ADCY4: variants seen among roughly 807,000 people sequenced by gnomAD.
ADCY4 encodes adenylate cyclase 4.
In ADCY4, 111 loss-of-function variants were observed where a neutral mutation model predicts 125.5. The observed-to-expected ratio is 0.88, with a 90% CI of 0.76 to 1.04. The LOEUF is 1.04. Ranked by LOEUF, ADCY4 falls within the 50% of genes least tolerant of loss-of-function variation. The probability of loss-of-function intolerance (pLI) is 0.00; values close to 1 mark genes in which losing one functional copy is unlikely to be tolerated. For missense variants in ADCY4, 1,256 were observed against 1,382.9 expected (o/e 0.91, Z 1.46); for synonymous variants, 576 against 586.9 (o/e 0.98, Z 0.27).
rs1566430507 is a variant in ADCY4, at chr14:24,319,836, G to A, written c.2639C>T (p.Pro880Leu). Reference protein sequence around the residue: ...ECVCVLFASVPDFKEFYSESN... With the variant: ...ECVCVLFASVLDFKEFYSESN... ...TTCAGAGTAGAACTCCTTGAAGTCT[G>A]GGACTGAGGCGAAGAGGACACAAAC... The change falls in exon 21 of 25, where the codon CCA (proline) becomes CTA (leucine). Residue 880 changes from proline (P) to leucine (L), a missense_variant. Coordinates refer to ENST00000418030, the MANE Select transcript of ADCY4 (RefSeq NM_001198568.2). The surrounding 1 kb of genome is among the most constrained non-coding windows in gnomAD (Gnocchi z 4.5). 1 of 1,614,116 alleles carries A rather than the reference G, an allele frequency of 6.2e-7. No individual in the cohort carries two copies. The highest frequency in any genetic ancestry group is 1.3e-5 in the African/African-American group (1 of 75,040).
At position 24,318,653 on chromosome 14, in the gene ADCY4, C is replaced by T. The variant is rs1746986280; in HGVS notation, c.3081+1G>A. 6.2e-7 allele frequency: 1 copy of T among 1,614,050 alleles called. No individual in the cohort carries two copies. Among genetic ancestry groups the T allele is most frequent in the Non-Finnish European group, 8.5e-7 (1 of 1,180,016 alleles). The stretch of plus-strand genomic sequence containing the variant: ...CTATGCCTCCAATGTGGTTCCCTCA[C>T]TTGGATTTTGCCAAGGACTCCTGTA... On this transcript the variant is annotated splice_donor_variant, in intron 24 of 24. Transcript: ENST00000418030. LOFTEE classifies it high-confidence loss of function.
intron 3 of ADCY4, 120 bp downstream of exon 3, chr14:24,332,402 G>T: frequency 8.4e-7 from 1 of 1,189,702 alleles, no homozygotes; most frequent in Non-Finnish European, 1.2e-6. Flanking sequence ...GCACGGTTGG[G>T]TATCCTGCGC....
intron 10 of ADCY4, among the ~76,000 whole-genome samples, chr14:24,327,662 A>C (rs930501826): frequency 1.3e-5 from 2 of 152,202 alleles, no homozygotes; most frequent in African/African-American, 4.8e-5. Flanking sequence ...GAATTGAGTT[A>C]AACAGAGACA....
Position 24,319,221 on chromosome 14 carries a change from G to A in ADCY4, c.2842-9C>T, listed in dbSNP as rs947472035. On this transcript the variant is annotated splice_polypyrimidine_tract_variant and intron_variant, in intron 22 of 24. Coordinates refer to ENST00000418030, the MANE Select transcript of ADCY4 (RefSeq NM_001198568.2). This position sits in a 1 kb window ranked among gnomAD's most constrained non-coding sequence, Gnocchi z 4.5. Reference sequence around the variant, plus strand: ...CAGCTCCGTTCAGCATCCTGGCAATGGGCCCGCCCACCAGGGTGGGCCAGT... The same window carrying A: ...CAGCTCCGTTCAGCATCCTGGCAATAGGCCCGCCCACCAGGGTGGGCCAGT... 6.2e-7 allele frequency: 1 copy of A among 1,614,092 alleles called. No homozygotes were observed. Among genetic ancestry groups the A allele is most frequent in the African/African-American group, 1.3e-5 (1 of 75,038 alleles).
At position 24,324,197 on chromosome 14, in the gene ADCY4, C is replaced by G; in HGVS notation, c.1911G>C (p.Arg637Ser). Residue 637 changes from arginine to serine, a missense_variant and splice_region_variant, in exon 16 of 25, where the codon AGG (arginine) becomes AGC (serine). Coordinates refer to ENST00000418030, the MANE Select transcript of ADCY4 (RefSeq NM_001198568.2). Reference sequence around the variant, plus strand: ...GCATCTTGGGGCCTTTCAGGACACACCTCTGTGGAGGGAGCATGGGCATCT... The same window carrying G: ...GCATCTTGGGGCCTTTCAGGACACAGCTCTGTGGAGGGAGCATGGGCATCT... Reference protein sequence around the residue: ...LFVCFSEDLMRCVLKGPKMLH... With the variant: ...LFVCFSEDLMSCVLKGPKMLH... The G allele has an allele frequency of 1.2e-6, 2 of 1,614,224 alleles. No homozygotes were observed. The highest frequency in any genetic ancestry group is 1.1e-5 in the South Asian group (1 of 91,090).
Position 24,332,993 on chromosome 14 carries a change from G to A in ADCY4, c.160-5C>T. 1 of 1,519,294 alleles carries A rather than the reference G, an allele frequency of 6.6e-7. No individual in the cohort carries two copies. The highest frequency in any genetic ancestry group is 2.3e-5 in the East Asian group (1 of 43,504). The allele number at this position is 1,519,294 out of a possible 1,614,324, so 94.1% of individuals were successfully genotyped here. ...GCTCGGGTCTGAGGTCAGCTCCTGT[G>A]GGCAGGGGTGTGTGAGGCAAGATTG... On this transcript the variant is annotated splice_region_variant and splice_polypyrimidine_tract_variant and intron_variant, in intron 1 of 24. Coordinates refer to ENST00000418030, the MANE Select transcript of ADCY4 (RefSeq NM_001198568.2).
At chr14:24,332,445 C>T (rs1257257835) in intron 3 of ADCY4, 77 bp downstream of exon 3, 1 of 1,476,824 alleles carries the variant, frequency 6.8e-7, no homozygotes, top group Non-Finnish European at 9.1e-7. Context: ...AGTCACAGCT[C>T]AACAACCCCC....
At chr14:24,318,914 G>T in intron 23 of ADCY4, 136 bp from the exon 24 acceptor site, 1 of 1,438,522 alleles carries the variant, frequency 7.0e-7, no homozygotes, top group Non-Finnish European at 9.5e-7. Context: ...GAGGAATGTA[G>T]CTTAAGAAAA....
chr14:24,323,140 G>A lies in ADCY4; in HGVS notation c.2158-52C>T, dbSNP rs186889719. On this transcript the variant is annotated intron_variant, in intron 17 of 24. Coordinates refer to ENST00000418030, the MANE Select transcript of ADCY4 (RefSeq NM_001198568.2). ...TGGGCATGTCCCATAGGCAGAGGGG[G>A]GACACCTGAGGGCTCCCTTCCTGTC... 2.9e-4 allele frequency: 460 copies of A among 1,582,148 alleles called. 4 individuals are homozygous for A. The East Asian group carries it at 8.9e-3, about 31-fold the overall frequency.
chr14:24,332,812 G>GC lies in ADCY4; in HGVS notation c.335dup (p.Val113ArgfsTer147). Reference sequence around the variant, plus strand: ...TCACCTGGTCCCAGGCGCTCACCACGCCCCCGGTGAACAGGAAGGCGTGGC... The same window carrying GC: ...TCACCTGGTCCCAGGCGCTCACCACGCCCCCCGGTGAACAGGAAGGCGTGGC... On this transcript the variant is annotated frameshift_variant, in exon 2 of 25. Transcript: ENST00000418030. LOFTEE classifies it high-confidence loss of function. 1 of 1,565,008 alleles carries GC rather than the reference G, an allele frequency of 6.4e-7. No homozygotes were observed. Among genetic ancestry groups the GC allele is most frequent in the Non-Finnish European group, 8.7e-7 (1 of 1,152,506 alleles).
At chr14:24,326,417 G>A (rs569067787) in intron 10 of ADCY4, 75 bp from the exon 11 acceptor site, 14 of 1,540,234 alleles carry the variant, frequency 9.1e-6, no homozygotes, top group Non-Finnish European at 1.2e-5. Context: ...GAGCCACACT[G>A]CATGCTCTAT....
At chr14:24,331,970 G>A in intron 3 of ADCY4, 33 bp from the exon 4 acceptor site, 2 of 1,513,548 alleles carry the variant, frequency 1.3e-6, no homozygotes, top group Non-Finnish European at 1.8e-6. Context: ...GAGGGCGCGG[G>A]ACCCGGGTGC....
At chr14:24,333,037 A>G in intron 1 of ADCY4, 49 bp from the exon 2 acceptor site, 1 of 1,483,684 alleles carries the variant, frequency 6.7e-7, no homozygotes, top group South Asian at 1.4e-5. Context: ...AGAAGGAACG[A>G]ACCTGATAAA....
chr14:24,330,239 C>A lies in ADCY4; in HGVS notation c.987G>T (p.Gly329=). The change falls in exon 7 of 25, where the codon GGG becomes GGT. Residue 329 remains glycine (G), a synonymous_variant. Coordinates refer to ENST00000418030, the MANE Select transcript of ADCY4 (RefSeq NM_001198568.2). ...ILGDCYYCVS[G]LPLSLPDHAI... is the part of the protein sequence containing the mutation. ...CATGGTCTGGCAGTGAGAGTGGCAG[C>A]CCAGAGACACAGTAGTAACAGTCCC... 6.2e-7 allele frequency: 1 copy of A among 1,613,440 alleles called. No individual in the cohort carries two copies. The highest frequency in any genetic ancestry group is 1.1e-5 in the South Asian group (1 of 91,084).
chr14:24,323,338 A>G lies in ADCY4; in HGVS notation c.2157+6T>C, dbSNP rs771058378. 1.9e-6 allele frequency: 3 copies of G among 1,547,442 alleles called. No homozygotes were observed. The South Asian group carries it at 3.6e-5, about 18-fold the overall frequency. Reference sequence around the variant, plus strand: ...AAGGAGATTAAGGGCATGTGGGAACACTCACTGGGACACTGATGAGAGGCA... The same window carrying G: ...AAGGAGATTAAGGGCATGTGGGAACGCTCACTGGGACACTGATGAGAGGCA... On this transcript the variant is annotated splice_donor_region_variant and intron_variant, in intron 17 of 24. Coordinates refer to ENST00000418030, the MANE Select transcript of ADCY4 (RefSeq NM_001198568.2).
At chr14:24,333,811 G>A (rs1472988044) in intron 1 of ADCY4, among the ~76,000 whole-genome samples, 1 of 152,122 alleles carries the variant, frequency 6.6e-6, no homozygotes, top group Non-Finnish European at 1.5e-5. Flanking sequence ...CAGGACCCGC[G>A]GCGTCCCGCA....
In ADCY4 at chr14:24,332,695, G is replaced by T; in HGVS notation, c.358-12C>A. 6.3e-7 allele frequency: 1 copy of T among 1,580,566 alleles called. No homozygotes were observed. On this transcript the variant is annotated splice_polypyrimidine_tract_variant and intron_variant, in intron 2 of 24. Transcript: ENST00000418030. ...AGAAAATAGGACACCTGGGGGCGGG[G>T]CGCGGGAAGCCGAAGGCCCAAGTGG...
chr14:24,332,237 C>CT (rs61560607), intron 3 of ADCY4: 9,795 of 390,820 alleles, frequency 0.025, 4 homozygotes, highest in East Asian at 0.034. Context: ...TCGCACAAAA[C>CT]TTTTTTTTTT....
chr14:24,321,949 A>G (rs2041858074), intron 20 of ADCY4, 117 bp downstream of exon 20: 2 of 1,438,374 alleles, frequency 1.4e-6, no homozygotes, highest in Non-Finnish European at 1.8e-6. Flanking sequence ...TGACAAGCAC[A>G]AGGGCTTGGG....
Sources: allele counts gnomAD v4.1 joint callset (sites outside exome capture counted in the v4.1 genomes callset), GRCh38; gene constraint gnomAD v4.1.1; non-coding constraint Gnocchi (gnomAD v3.1); transcripts MANE v1.5; gene names NCBI Gene and HGNC (gene_info 2026-07-23, HGNC 2026-07-21).